Variants in RALYL observed in about 807,000 individuals in gnomAD.
RALYL encodes the protein RNA-binding Raly-like protein.
RALYL carries 29 observed loss-of-function variants against 35.1 expected under a neutral mutation model. The observed-to-expected ratio is 0.83, with a 90% CI of 0.61 to 1.13. The LOEUF (loss-of-function observed/expected upper bound fraction) is 1.13. Among genes scored for constraint, RALYL ranks in the 50% most tolerant of loss-of-function variants. RALYL has a pLI of 0.00. For synonymous variants in RALYL, 120 were observed against 127.6 expected (o/e 0.94, Z 0.40); for missense variants, 359 against 360.4 (o/e 1.00, Z 0.03).
At chr8:84,881,902 G>T (rs1318196268) in intron 7 of RALYL, among the ~76,000 whole-genome samples, 1 of 151,878 alleles carries the variant, frequency 6.6e-6, no homozygotes, top group Non-Finnish European at 1.5e-5. Flanking sequence ...TTAGAAAACA[G>T]CCAAGGTTAT....
chr8:84,708,877 A>G (rs1249334429), intron 2 of RALYL, among the ~76,000 whole-genome samples: 1 of 152,230 alleles, frequency 6.6e-6, no homozygotes, highest in African/African-American at 2.4e-5. Flanking sequence ...AAAGTAGAGT[A>G]GAAGCCATAG....
At chr8:84,570,621 A>G (rs1564164218) in intron 2 of RALYL, among the ~76,000 whole-genome samples, 1 of 151,828 alleles carries the variant, frequency 6.6e-6, no homozygotes, top group South Asian at 2.1e-4. Flanking sequence ...ACTATGTTGA[A>G]TAGGAGTGAG....
At chr8:84,381,155 C>T (rs1325623750) in intron 1 of RALYL, among the ~76,000 whole-genome samples, 2 of 151,910 alleles carry the variant, frequency 1.3e-5, no homozygotes, top group Non-Finnish European at 2.9e-5. Context: ...ATGACCCCAA[C>T]GACAGCCACG....
chr8:84,252,029 A>G (rs766455619), intron 1 of RALYL, among the ~76,000 whole-genome samples: 12 of 152,004 alleles, frequency 7.9e-5, no homozygotes, highest in Non-Finnish European at 1.5e-4. Context: ...AAATGGGGGA[A>G]TCTGTACTCT....
chr8:84,236,171 A>T (rs938932513), intron 1 of RALYL, among the ~76,000 whole-genome samples: 1 of 152,178 alleles, frequency 6.6e-6, no homozygotes, highest in Non-Finnish European at 1.5e-5. Flanking sequence ...TTTGCAACGT[A>T]TATATTACAT....
intron 4 of RALYL, among the ~76,000 whole-genome samples, chr8:84,806,808 T>G (rs1401619384): frequency 6.6e-6 from 1 of 152,134 alleles, no homozygotes; most frequent in Non-Finnish European, 1.5e-5. Flanking sequence ...GTTCAGGAGT[T>G]CGAGACCAGG....
chr8:84,744,528 T>C (rs1394872168), intron 2 of RALYL, among the ~76,000 whole-genome samples: 1 of 152,012 alleles, frequency 6.6e-6, no homozygotes, highest in Non-Finnish European at 1.5e-5. Context: ...TCTTGACCTT[T>C]GTGGGAAACA....
At chr8:84,906,591 A>G (rs1326279329) in intron 8 of RALYL, among the ~76,000 whole-genome samples, 2 of 152,130 alleles carry the variant, frequency 1.3e-5, no homozygotes, top group Non-Finnish European at 2.9e-5. Context: ...AACTTTTTTC[A>G]TACCTCAACA....
intron 8 of RALYL, among the ~76,000 whole-genome samples, chr8:84,905,213 A>G (rs182957996): frequency 1.3e-3 from 198 of 152,202 alleles, no homozygotes; most frequent in Non-Finnish European, 2.1e-3. Context: ...ACTCAGCATA[A>G]TCTCCTCAAG....
At chr8:84,523,605 G>T (rs1305791619) in intron 1 of RALYL, among the ~76,000 whole-genome samples, 1 of 151,222 alleles carries the variant, frequency 6.6e-6, no homozygotes, top group East Asian at 2.0e-4. Flanking sequence ...ATGCTGGTGT[G>T]CTGCACCCAC....
At chr8:84,698,191 G>A (rs534047377) in intron 2 of RALYL, among the ~76,000 whole-genome samples, 30 of 152,154 alleles carry the variant, frequency 2.0e-4, no homozygotes, top group African/African-American at 5.5e-4. Flanking sequence ...TCTGTAGGAT[G>A]AGGACTCCTA....
At chr8:84,528,609 C>T (rs1292321920) in intron 1 of RALYL, among the ~76,000 whole-genome samples, 1 of 152,040 alleles carries the variant, frequency 6.6e-6, no homozygotes, top group Admixed American at 6.6e-5. Flanking sequence ...CATTGATGAA[C>T]ACTGGCTCTT....
chr8:84,910,715 G>A (rs1847370576), intron 8 of RALYL, among the ~76,000 whole-genome samples: 1 of 151,876 alleles, frequency 6.6e-6, no homozygotes, highest in African/African-American at 2.4e-5. Flanking sequence ...ACTTACCTGT[G>A]TGCCAGAGAA....
intron 1 of RALYL, among the ~76,000 whole-genome samples, chr8:84,516,104 A>G (rs1336128094): frequency 6.6e-6 from 1 of 152,144 alleles, no homozygotes. Flanking sequence ...AATAAGAACT[A>G]AAAATAATAG....
intron 7 of RALYL, among the ~76,000 whole-genome samples, chr8:84,881,786 C>A (rs752176393): frequency 6.6e-6 from 1 of 151,800 alleles, no homozygotes; most frequent in African/African-American, 2.4e-5. Context: ...AACATGTGCC[C>A]CTAACTAAAC....
intron 2 of RALYL, among the ~76,000 whole-genome samples, chr8:84,711,268 T>G (rs1842140836): frequency 6.6e-6 from 1 of 152,194 alleles, no homozygotes; most frequent in Admixed American, 6.6e-5. Flanking sequence ...CCATTTCATT[T>G]GTAACTGAAT....
At chr8:84,511,157 G>A (rs552534394) in intron 1 of RALYL, among the ~76,000 whole-genome samples, 1 of 152,032 alleles carries the variant, frequency 6.6e-6, no homozygotes, top group African/African-American at 2.4e-5. Flanking sequence ...CTGCTTTCAG[G>A]CATCAATTTT....
At chr8:84,632,892 T>C (rs1295063386) in intron 2 of RALYL, among the ~76,000 whole-genome samples, 2 of 151,942 alleles carry the variant, frequency 1.3e-5, no homozygotes, top group Non-Finnish European at 2.9e-5. Context: ...ACTGACTCAA[T>C]ATGATGCTAT....
At chr8:84,700,665 G>A (rs1430821524) in intron 2 of RALYL, among the ~76,000 whole-genome samples, 2 of 152,244 alleles carry the variant, frequency 1.3e-5, no homozygotes, top group South Asian at 2.1e-4. Context: ...AGTAAAATGA[G>A]GTGTTGAATG....
Sources: gnomAD v4.1 joint callset for allele counts (sites outside exome capture counted in the v4.1 genomes callset) on GRCh38, gnomAD v4.1.1 for gene constraint, MANE v1.5 for transcripts, NCBI Gene and HGNC (gene_info 2026-07-23, HGNC 2026-07-21) for gene names.